Variants in TFB2M observed in about 807,000 individuals in gnomAD.
TFB2M encodes the protein transcription factor B2, mitochondrial.
A neutral mutation model predicts 41.3 loss-of-function variants in TFB2M; 44 were observed. That is an observed-to-expected ratio of 1.07 (90% CI 0.84 to 1.37). The LOEUF (loss-of-function observed/expected upper bound fraction) is 1.37, where lower values mean the gene tolerates loss of function less well. Ranked by LOEUF, TFB2M falls within the 40% of genes most tolerant of loss-of-function variation. The pLI, the probability that TFB2M is intolerant of heterozygous loss-of-function variation, is 0.00. For missense variants in TFB2M, 496 were observed against 490.2 expected (o/e 1.01, Z -0.11); for synonymous variants, 188 against 176.8 (o/e 1.06, Z -0.50).
At chr1:246,557,664 T>TTTTTGTTTTG (rs200109340) in intron 2 of TFB2M, 130 bp from the exon 3 acceptor site, 11 of 851,534 alleles carry the variant, frequency 1.3e-5, no homozygotes, top group East Asian at 9.4e-5. Flanking sequence ...ACCTGGGGTT[T>TTTTTGTTTTG]TTTTGTTTTG....
Position 246,548,543 on chromosome 1 carries a change from A to G in TFB2M, c.858+2T>C. ...AAGGAAAAGGTATTATTTTATTCTT[A>G]CCCTACGCTTTGGGTTTTCCAGCGG... On this transcript the variant is annotated splice_donor_variant, in intron 6 of 7. Coordinates refer to ENST00000366514, the MANE Select transcript of TFB2M (RefSeq NM_022366.3). LOFTEE classifies it high-confidence loss of function. The G allele has an allele frequency of 1.2e-6, 2 of 1,612,900 alleles. No individual in the cohort carries two copies.
chr1:246,541,282 A>G (rs1439621270), intron 7 of TFB2M, 80 bp from the exon 8 acceptor site: 2 of 1,388,758 alleles, frequency 1.4e-6, no homozygotes, highest in African/African-American at 2.9e-5. Flanking sequence ...ATGGCTTCTA[A>G]GTTGAATTCA....
At chr1:246,557,179 G>A (rs1266303712) in intron 3 of TFB2M, among the ~76,000 whole-genome samples, 2 of 152,078 alleles carry the variant, frequency 1.3e-5, no homozygotes, top group Non-Finnish European at 2.9e-5. Flanking sequence ...GGAGGCTGAA[G>A]CAGGAGAATC....
At chr1:246,543,500 T>C (rs1455828649) in intron 7 of TFB2M, among the ~76,000 whole-genome samples, 1 of 152,200 alleles carries the variant, frequency 6.6e-6, no homozygotes, top group Non-Finnish European at 1.5e-5. Context: ...GCGCAGTGGC[T>C]CATGCTGGTA....
chr1:246,556,382 T>C (rs1357323497), intron 4 of TFB2M, among the ~76,000 whole-genome samples, 191 bp downstream of exon 4: 1 of 152,134 alleles, frequency 6.6e-6, no homozygotes, highest in Non-Finnish European at 1.5e-5. Context: ...GGCTGTACAA[T>C]GGGAATGCAG....
In TFB2M at chr1:246,556,672, C is replaced by T. The variant is rs764533337; in HGVS notation, c.606G>A (p.Arg202=). The T allele has an allele frequency of 2.5e-6, 4 of 1,582,216 alleles. No homozygotes were observed. Among genetic ancestry groups the T allele is most frequent in the Middle Eastern group, 1.7e-4 (1 of 5,984 alleles). The change falls in exon 4 of 8, where the codon AGG becomes AGA. Residue 202 remains arginine, a synonymous_variant. Transcript: ENST00000366514. ...VGMFPSRGEK[R]ALWKLAYDLY... The stretch of plus-strand genomic sequence containing the variant: ...AGTCATATGCGAGTTTCCAAAGTGC[C>T]CTTTTCTCACCTCTACTTGGGAACA...
chr1:246,553,016 T>A (rs1659226819), intron 4 of TFB2M, among the ~76,000 whole-genome samples: 1 of 151,776 alleles, frequency 6.6e-6, no homozygotes, highest in Non-Finnish European at 1.5e-5. Context: ...GGTCACCAGT[T>A]TGAGACTAGC....
At position 246,556,677 on chromosome 1, in the gene TFB2M, T is replaced by C. The variant is rs754324520; in HGVS notation, c.601A>G (p.Lys201Glu). The change falls in exon 4 of 8, where the codon AAA becomes GAA. Residue 201 changes from lysine to glutamate, a missense_variant. Lys to Glu is a moderately conservative substitution (Grantham distance 56, BLOSUM62 1). Transcript: ENST00000366514. ...TATGCGAGTTTCCAAAGTGCCCTTT[T>C]CTCACCTCTACTTGGGAACATTCCA... ...VVGMFPSRGE[K>E]RALWKLAYDL... is the part of the protein sequence containing the mutation. 4.2e-5 allele frequency: 66 copies of C among 1,584,340 alleles called. No homozygotes were observed. Among genetic ancestry groups the C allele is most frequent in the Non-Finnish European group, 5.4e-5 (63 of 1,171,150 alleles).
intron 6 of TFB2M, among the ~76,000 whole-genome samples, 164 bp from the exon 7 acceptor site, chr1:246,544,845 G>A (rs543340645): frequency 9.9e-5 from 15 of 152,106 alleles, no homozygotes; most frequent in African/African-American, 2.9e-4. Flanking sequence ...TCACTCTGTC[G>A]CCCAGGCTGG....
chr1:246,556,080 C>T (rs905667506), intron 4 of TFB2M, among the ~76,000 whole-genome samples: 4 of 152,076 alleles, frequency 2.6e-5, no homozygotes, highest in East Asian at 1.9e-4. Flanking sequence ...AGTGAGCCAC[C>T]GTGCCCGGCC....
chr1:246,564,305 T>C (rs766620986), intron 2 of TFB2M, 41 bp downstream of exon 2: 13 of 1,567,886 alleles, frequency 8.3e-6, no homozygotes, highest in African/African-American at 4.1e-5. Context: ...TCACAGATAG[T>C]TGAACAAACA....
intron 7 of TFB2M, among the ~76,000 whole-genome samples, chr1:246,542,432 G>T (rs1039874380): frequency 6.6e-6 from 1 of 151,988 alleles, no homozygotes; most frequent in Non-Finnish European, 1.5e-5. Context: ...CAGCACTTTG[G>T]GGGGCTAGGT....
intron 6 of TFB2M, among the ~76,000 whole-genome samples, chr1:246,548,225 T>C (rs926267686): frequency 6.6e-6 from 1 of 152,338 alleles, no homozygotes; most frequent in East Asian, 1.9e-4. Flanking sequence ...TAAAATTTTG[T>C]TTCTAATTAA....
intron 3 of TFB2M, 151 bp from the exon 4 acceptor site, chr1:246,556,872 A>G (rs3120710): frequency 1 from 667,899 of 668,622 alleles, 333,593 homozygotes; most frequent in South Asian, 1. Context: ...CCTTGGCATG[A>G]AACTTGGCTT....
intron 4 of TFB2M, among the ~76,000 whole-genome samples, chr1:246,552,008 T>A (rs1659199128): frequency 6.6e-6 from 1 of 152,210 alleles, no homozygotes. Context: ...TGCCCCACTA[T>A]CCTAATCCAT....
At chr1:246,546,415 A>G (rs1460552030) in intron 6 of TFB2M, among the ~76,000 whole-genome samples, 1 of 151,998 alleles carries the variant, frequency 6.6e-6, no homozygotes, top group East Asian at 1.9e-4. Flanking sequence ...GGAGTTTGAG[A>G]CCAGCCTGGC....
rs1159387018 is a variant in TFB2M at position 246,566,180 on chromosome 1, G to A, written c.-42C>T. ...CCCGCTCCAAGAATCACCTAGTGCA[G>A]CTACTACAGTGAACCCCACGCAGGG... On this transcript the variant is annotated 5_prime_UTR_variant, in exon 1 of 8. Transcript: ENST00000366514. 1 of 1,572,674 alleles carries A rather than the reference G, an allele frequency of 6.4e-7. No homozygotes were observed. The highest frequency in any genetic ancestry group is 2.3e-5 in the East Asian group (1 of 44,154).
At position 246,566,199 on chromosome 1, in the gene TFB2M, C is replaced by G; in HGVS notation, c.-61G>C. The G allele has an allele frequency of 6.6e-7, 1 of 1,524,834 alleles. No homozygotes were observed. The highest frequency in any genetic ancestry group is 2.3e-5 in the East Asian group (1 of 43,764). The allele number at this position is 1,524,834 out of a possible 1,614,324, so 94.5% of individuals were successfully genotyped here. On this transcript the variant is annotated 5_prime_UTR_variant, in exon 1 of 8. Coordinates refer to ENST00000366514, the MANE Select transcript of TFB2M (RefSeq NM_022366.3). ...AGTGCAGCTACTACAGTGAACCCCA[C>G]GCAGGGTATCCCACGTGGAACATTT...
chr1:246,551,127 A>G (rs1198730580), intron 5 of TFB2M, 86 bp downstream of exon 5: 1 of 998,370 alleles, frequency 1.0e-6, no homozygotes, highest in Non-Finnish European at 1.6e-6. Context: ...GCAAGCTATG[A>G]TTGTGCCACT....
Sources: allele counts gnomAD v4.1 joint callset (sites outside exome capture counted in the v4.1 genomes callset), GRCh38; gene constraint gnomAD v4.1.1; transcripts MANE v1.5; gene names NCBI Gene and HGNC (gene_info 2026-07-23, HGNC 2026-07-21).